The following TMEM232 variants were observed in gnomAD, a reference collection of about 807,000 sequenced individuals.
TMEM232 encodes the protein transmembrane protein 232.
In TMEM232, 80 loss-of-function variants were observed where a neutral mutation model predicts 78.8. The observed-to-expected ratio is 1.01, with a 90% CI of 0.85 to 1.22. The LOEUF is 1.22. TMEM232 is among the 50% of genes most tolerant of loss of function. The probability of loss-of-function intolerance (pLI) is 0.00; values close to 1 mark genes in which losing one functional copy is unlikely to be tolerated. For synonymous variants in TMEM232, 297 were observed against 254.3 expected (o/e 1.17, Z -1.60); for missense variants, 881 against 742.2 (o/e 1.19, Z -2.17).
At chr5:110,390,294 C>G (rs1755131750) in intron 4 of TMEM232, 1 of 152,172 alleles carries the variant, frequency 6.6e-6, no homozygotes, top group African/African-American at 2.4e-5. Flanking sequence ...TGGTCAGATA[C>G]TTGGCCAAAA....
intron 1 of TMEM232, among the ~76,000 whole-genome samples, chr5:110,736,985 A>G (rs1401864501): frequency 1.4e-5 from 2 of 138,128 alleles, no homozygotes; most frequent in African/African-American, 5.5e-5. Context: ...ACTTCTTCAG[A>G]GAGGACTTCC....
chr5:110,408,863 C>T (rs1408070915), intron 2 of TMEM232, among the ~76,000 whole-genome samples: 1 of 152,016 alleles, frequency 6.6e-6, no homozygotes, highest in Non-Finnish European at 1.5e-5. Flanking sequence ...CCCACCTAGC[C>T]CACCACTCAT....
At chr5:110,478,154 T>G (rs1763454380) in intron 12 of TMEM232, among the ~76,000 whole-genome samples, 2 of 151,956 alleles carry the variant, frequency 1.3e-5, no homozygotes, top group South Asian at 4.1e-4. Flanking sequence ...TATGAATTTT[T>G]CCTGCGTTAA....
At chr5:110,399,278 T>C (rs1169476502) in intron 2 of TMEM232, among the ~76,000 whole-genome samples, 3 of 151,962 alleles carry the variant, frequency 2.0e-5, no homozygotes, top group Non-Finnish European at 4.4e-5. Context: ...GTGTAAGGAG[T>C]TGAGCTGGAT....
At chr5:110,656,828 A>T (rs917547789) in intron 2 of TMEM232, among the ~76,000 whole-genome samples, 22 of 150,720 alleles carry the variant, frequency 1.5e-4, no homozygotes, top group African/African-American at 5.4e-4. Flanking sequence ...ACAGAGCAAG[A>T]CTCCATCTCT....
intron 2 of TMEM232, among the ~76,000 whole-genome samples, chr5:110,413,167 T>G (rs1756061097): frequency 1.3e-5 from 2 of 152,092 alleles, no homozygotes; most frequent in South Asian, 4.1e-4. Context: ...CAGCTGCCAG[T>G]GCAGCTAGAA....
At chr5:110,534,985 C>T (rs1396012595) in intron 11 of TMEM232, among the ~76,000 whole-genome samples, 11 of 152,104 alleles carry the variant, frequency 7.2e-5, no homozygotes, top group South Asian at 2.1e-4. Context: ...GTTCCCACAC[C>T]GCCCCTAATC....
intron 1 of TMEM232, among the ~76,000 whole-genome samples, chr5:110,714,562 G>C (rs1178540851): frequency 1.3e-5 from 2 of 152,094 alleles, no homozygotes; most frequent in Non-Finnish European, 2.9e-5. Context: ...AAGGTGTAAT[G>C]TCTGTTATTT....
chr5:110,555,635 C>CT (rs1486950821), intron 11 of TMEM232, among the ~76,000 whole-genome samples: 10 of 152,070 alleles, frequency 6.6e-5, no homozygotes, highest in Non-Finnish European at 1.3e-4. Context: ...TTATGTAAGT[C>CT]TTTTTGTAGG....
At chr5:110,461,637 G>C (rs1270083733) in intron 12 of TMEM232, among the ~76,000 whole-genome samples, 1 of 152,164 alleles carries the variant, frequency 6.6e-6, no homozygotes, top group African/African-American at 2.4e-5. Context: ...TTCATAGCTG[G>C]AAAGAAGTCA....
chr5:110,675,925 A>G (rs1314259716), intron 1 of TMEM232, among the ~76,000 whole-genome samples: 1 of 151,898 alleles, frequency 6.6e-6, no homozygotes, highest in Non-Finnish European at 1.5e-5. Context: ...CCCCATTTCT[A>G]CCTCCCACTC....
chr5:110,414,608 C>A (rs1388131639), downstream of TMEM232, among the ~76,000 whole-genome samples: 2 of 152,150 alleles, frequency 1.3e-5, no homozygotes, highest in African/African-American at 4.8e-5. Flanking sequence ...TGTAGCCAGG[C>A]CAAGACGAAG....
At chr5:110,626,183 A>C (rs1478397428) in intron 6 of TMEM232, among the ~76,000 whole-genome samples, 1 of 151,740 alleles carries the variant, frequency 6.6e-6, no homozygotes, top group African/African-American at 2.4e-5. Context: ...ATGTGAAAGA[A>C]AGATTTTTTT....
intron 12 of TMEM232, among the ~76,000 whole-genome samples, chr5:110,445,369 A>T (rs1192127427): frequency 6.6e-6 from 1 of 152,144 alleles, no homozygotes; most frequent in Non-Finnish European, 1.5e-5. Flanking sequence ...CCATTATTAC[A>T]TTCAAGGAAA....
At chr5:110,561,831 C>T (rs1775782462) in intron 11 of TMEM232, among the ~76,000 whole-genome samples, 1 of 152,202 alleles carries the variant, frequency 6.6e-6, no homozygotes, top group South Asian at 2.1e-4. Context: ...TGTCTGTCAT[C>T]TTCCAGCTGG....
rs1554091644 is a variant in TMEM232, at chr5:110,499,631, C to CT, written c.1703+28956_1703+28957insA. ...AGGGGAAAAATATATGTATACACCC[C>CT]CCCCCACACACACACATATATATAT... On this transcript the variant is annotated intron_variant, in intron 12 of 13. Transcript: ENST00000455884. Among the ~76,000 whole-genome samples the CT allele has an allele frequency of 1.8e-4, 22 of 124,528 alleles. No homozygotes were observed. The South Asian group carries it at 2.7e-3, about 15-fold the overall frequency. 81.7% of individuals were successfully genotyped at this position (124,528 alleles called of 152,430 possible).
intron 5 of TMEM232, among the ~76,000 whole-genome samples, chr5:110,633,684 G>C (rs1236513015): frequency 6.6e-6 from 1 of 151,972 alleles, no homozygotes; most frequent in African/African-American, 2.4e-5. Context: ...TGCCATGATT[G>C]TTAAGTTTCC....
chr5:110,567,452 A>G (rs569705079), intron 11 of TMEM232, among the ~76,000 whole-genome samples: 2 of 151,940 alleles, frequency 1.3e-5, no homozygotes, highest in Non-Finnish European at 2.9e-5. Context: ...ATTGAAAAAA[A>G]CAGATGTTTC....
intron 12 of TMEM232, among the ~76,000 whole-genome samples, chr5:110,476,145 G>A (rs1418525644): frequency 2.0e-5 from 3 of 150,176 alleles, no homozygotes; most frequent in African/African-American, 7.5e-5. Context: ...TATGTTATGG[G>A]CTGCTTTTTG....
Sources: gnomAD v4.1 joint callset for allele counts (sites outside exome capture counted in the v4.1 genomes callset) on GRCh38, gnomAD v4.1.1 for gene constraint, MANE v1.5 for transcripts, NCBI Gene and HGNC (gene_info 2026-07-23, HGNC 2026-07-21) for gene names.